PRKCD: variants seen among roughly 807,000 people sequenced by gnomAD.
The protein encoded by PRKCD is protein kinase C delta type.
A neutral mutation model predicts 82.2 loss-of-function variants in PRKCD; 20 were observed. The observed-to-expected ratio is 0.24, with a 90% CI of 0.17 to 0.35. The LOEUF (loss-of-function observed/expected upper bound fraction) is 0.35. PRKCD is among the 10% of genes least tolerant of loss of function. The probability of loss-of-function intolerance (pLI) is 1.00; values close to 1 mark genes in which losing one functional copy is unlikely to be tolerated. For missense variants in PRKCD, 607 were observed against 899.0 expected, an observed-to-expected ratio of 0.68 and a Z score of 4.15; for synonymous variants, 317 against 337.0, an observed-to-expected ratio of 0.94 and a Z score of 0.65.
chr3:53,183,826 C>T (rs1473707108), intron 9 of PRKCD, among the ~76,000 whole-genome samples: 1 of 152,202 alleles, frequency 6.6e-6, no homozygotes, highest in Non-Finnish European at 1.5e-5. Context: ...AAAAGCAGGA[C>T]CTAGAGAGTC....
At chr3:53,178,880 T>A (rs1703318594) in intron 3 of PRKCD, among the ~76,000 whole-genome samples, 1 of 151,986 alleles carries the variant, frequency 6.6e-6, no homozygotes, top group Non-Finnish European at 1.5e-5. Context: ...CCTCATGGGG[T>A]TCATAGTCAG....
chr3:53,161,765 TC>T (rs1394151445), intron 1 of PRKCD, among the ~76,000 whole-genome samples: 1 of 150,546 alleles, frequency 6.6e-6, no homozygotes, highest in African/African-American at 2.5e-5. Context: ...CTCTGTGTTC[TC>T]CCCCTGCGCG....
chr3:53,163,154 G>A (rs1553663336), intron 1 of PRKCD, among the ~76,000 whole-genome samples: 1 of 152,056 alleles, frequency 6.6e-6, no homozygotes, highest in Non-Finnish European at 1.5e-5. Context: ...GGTGGTGTGA[G>A]GGCTATGCGA....
intron 10 of PRKCD, among the ~76,000 whole-genome samples, chr3:53,185,241 G>T (rs1457454591): frequency 6.6e-6 from 1 of 152,214 alleles, no homozygotes; most frequent in Non-Finnish European, 1.5e-5. Context: ...AAGACTTTGG[G>T]TGTGGACGTT....
intron 7 of PRKCD, among the ~76,000 whole-genome samples, chr3:53,182,539 G>A (rs1224185110): frequency 6.6e-6 from 1 of 152,156 alleles, no homozygotes; most frequent in East Asian, 1.9e-4. Flanking sequence ...AAAGTGCTGG[G>A]ATTATAGGCG....
intron 18 of PRKCD, among the ~76,000 whole-genome samples, chr3:53,191,218 A>G (rs1490452836): frequency 1.2e-4 from 19 of 152,188 alleles, no homozygotes; most frequent in African/African-American, 4.6e-4. Context: ...CCTGGCCAAC[A>G]TGGTGAAACC....
At chr3:53,190,785 G>C (rs545431848) in intron 18 of PRKCD, among the ~76,000 whole-genome samples, 1 of 152,090 alleles carries the variant, frequency 6.6e-6, no homozygotes, top group East Asian at 1.9e-4. Context: ...TGTGTAATGC[G>C]CCCCACATTT....
intron 2 of PRKCD, among the ~76,000 whole-genome samples, chr3:53,168,282 G>A (rs1702898404): frequency 6.6e-6 from 1 of 152,238 alleles, no homozygotes; most frequent in Admixed American, 6.5e-5. Context: ...GCAGCTGGGG[G>A]CAGGGCCCAG....
chr3:53,181,178 G>T, intron 4 of PRKCD, 29 bp from the exon 5 acceptor site: 1 of 1,610,252 alleles, frequency 6.2e-7, no homozygotes, highest in African/African-American at 1.3e-5. Context: ...CACTGACCTT[G>T]TTCTCCCCTG....
At chr3:53,162,276 G>A (rs1231035146) in intron 1 of PRKCD, among the ~76,000 whole-genome samples, 2 of 152,164 alleles carry the variant, frequency 1.3e-5, no homozygotes, top group Non-Finnish European at 2.9e-5. Context: ...AGGTCGGGGG[G>A]GGGGGTCCTC....
rs1703701404 is a variant in PRKCD at position 53,186,596 on chromosome 3, C to T, written c.1261-8C>T. On this transcript the variant is annotated splice_region_variant and splice_polypyrimidine_tract_variant and intron_variant, in intron 13 of 18. Coordinates refer to ENST00000330452, the MANE Select transcript of PRKCD (RefSeq NM_006254.4). ...CCTCACCCCTGCTCACCACCCTTCC[C>T]ACCCCAGGACCACCTGTTCTTTGTG... 3.7e-6 allele frequency: 6 copies of T among 1,609,282 alleles called. No homozygotes were observed. Among genetic ancestry groups the T allele is most frequent in the South Asian group, 1.1e-5 (1 of 90,270 alleles).
chr3:53,178,444 G>A lies in PRKCD; in HGVS notation c.22G>A (p.Ala8Thr), dbSNP rs368029897. MAPFLRIAFNSYELGSLQ... is the reference protein window; with the variant it reads MAPFLRITFNSYELGSLQ... Reference sequence around the variant, plus strand: ...CACCATGGCGCCGTTCCTGCGCATCGCCTTCAACTCCTATGAGCTGGGCTC... The same window carrying A: ...CACCATGGCGCCGTTCCTGCGCATCACCTTCAACTCCTATGAGCTGGGCTC... The change falls in exon 3 of 19, where the codon GCC becomes ACC. Residue 8 changes from alanine to threonine, a missense_variant. Ala to Thr is a moderately conservative substitution (Grantham distance 58). This residue lies in a region of PRKCD where 161 missense variants were observed against 227.0 expected (regional missense o/e 0.71). Transcript: ENST00000330452. The A allele has an allele frequency of 5.6e-6, 9 of 1,612,024 alleles. No homozygotes were observed. The highest frequency in any genetic ancestry group is 5.0e-5 in the Admixed American group (3 of 59,960).
chr3:53,167,095 C>G lies in PRKCD; in HGVS notation c.-20+1880C>G, dbSNP rs576238455. Among the ~76,000 whole-genome samples, 172 of 152,350 alleles carry G rather than the reference C, an allele frequency of 1.1e-3. 1 individual carries two copies. Among genetic ancestry groups the G allele is most frequent in the African/African-American group, 4.0e-3 (167 of 41,574 alleles). On this transcript the variant is annotated intron_variant, in intron 2 of 18. Transcript: ENST00000330452. ...GGGGCTGTCTGTTCACTTCCCAAAG[C>G]CTGGGCCTAGGAGAGAGGCCCATCT...
chr3:53,171,653 G>A (rs529235193), intron 2 of PRKCD, among the ~76,000 whole-genome samples: 2 of 152,364 alleles, frequency 1.3e-5, no homozygotes, highest in South Asian at 4.1e-4. Context: ...CTTCCTGAGA[G>A]GTGGGAAGGG....
At chr3:53,192,035 G>A (rs782272106) in intron 18 of PRKCD, 73 bp from the exon 19 acceptor site, 6 of 1,532,544 alleles carry the variant, frequency 3.9e-6, no homozygotes, top group Non-Finnish European at 4.5e-6. Context: ...CAGCCCTGCA[G>A]GGACTCCAGC....
At chr3:53,179,523 G>C in intron 3 of PRKCD, 54 bp from the exon 4 acceptor site, 1 of 1,608,644 alleles carries the variant, frequency 6.2e-7, no homozygotes, top group Non-Finnish European at 8.5e-7. Flanking sequence ...GGAGGTCTAC[G>C]AGGGAGGGAC....
chr3:53,165,460 A>G (rs1367769490), intron 2 of PRKCD, among the ~76,000 whole-genome samples: 2 of 152,234 alleles, frequency 1.3e-5, no homozygotes, highest in Non-Finnish European at 2.9e-5. Context: ...TGGAGCTCAG[A>G]GGCCTGGGGC....
intron 10 of PRKCD, 117 bp downstream of exon 10, chr3:53,185,091 A>G (rs1472670522): frequency 1.0e-5 from 9 of 880,978 alleles, no homozygotes; most frequent in Admixed American, 8.2e-5. Flanking sequence ...CCAGGACTCT[A>G]CTTCGGGAAG....
intron 8 of PRKCD, 105 bp from the exon 9 acceptor site, chr3:53,183,347 G>A: frequency 1.3e-6 from 2 of 1,577,996 alleles, no homozygotes; most frequent in Admixed American, 1.7e-5. Flanking sequence ...TCCCAGTGGA[G>A]CTCTCTTGGG....
Sources: gnomAD v4.1 joint callset for allele counts (sites outside exome capture counted in the v4.1 genomes callset) on GRCh38, gnomAD v4.1.1 for gene constraint, gnomAD v4.1.1 regional missense constraint, MANE v1.5 for transcripts, NCBI Gene and HGNC (gene_info 2026-07-23, HGNC 2026-07-21) for gene names.